SGMS1: variants seen among roughly 807,000 people sequenced by gnomAD.
SGMS1 encodes sphingomyelin synthase 1.
A neutral mutation model predicts 46.2 loss-of-function variants in SGMS1; 13 were observed. The ratio of observed to expected loss-of-function variants is 0.28; its 90% CI spans 0.18 to 0.45. SGMS1 has a LOEUF of 0.45. Among genes scored for constraint, SGMS1 ranks in the 20% least tolerant of loss-of-function variants. The pLI is 1.00. For missense variants in SGMS1, 324 were observed against 519.9 expected (o/e 0.62, Z 3.66); for synonymous variants, 203 against 187.8 (o/e 1.08, Z -0.66).
rs78240615 is a variant in SGMS1, at chr10:50,505,415, T to C, written c.-498+14416A>G. 2.4e-3 allele frequency among the ~76,000 whole-genome samples: 359 copies of C among 152,264 alleles called. 17 individuals carry two copies. In the East Asian group the frequency reaches 0.062, roughly 26 times the overall value. On this transcript the variant is annotated intron_variant, in intron 3 of 10. Coordinates refer to ENST00000361781, the MANE Select transcript of SGMS1 (RefSeq NM_147156.4). ...TGCTCTGTTCTATCATGCCTAACAC[T>C]GAAATTTTTTAAAAGAAGAAAATCC...
At chr10:50,501,066 T>C (rs918986457) in intron 3 of SGMS1, among the ~76,000 whole-genome samples, 5 of 152,216 alleles carry the variant, frequency 3.3e-5, no homozygotes, top group Admixed American at 2.0e-4. Context: ...TCAGTGATTA[T>C]GGGGGCCAGC....
At position 50,372,610 on chromosome 10, in the gene SGMS1, G is replaced by A. The variant is rs192237734; in HGVS notation, c.-231-28265C>T. On this transcript the variant is annotated intron_variant, in intron 6 of 10. Coordinates refer to ENST00000361781, the MANE Select transcript of SGMS1 (RefSeq NM_147156.4). ...TCGGAGGCTGAGGCAGGAGAAAGGC[G>A]TGAACCCAGGAGGTGGAGCTTGCAG... Among the ~76,000 whole-genome samples the A allele has an allele frequency of 4.2e-3, 646 of 152,138 alleles. 2 individuals are homozygous for A. Among genetic ancestry groups the A allele is most frequent in the South Asian group, 0.013 (65 of 4,818 alleles).
At chr10:50,600,329 C>A (rs937861439) in intron 1 of SGMS1, among the ~76,000 whole-genome samples, 9 of 152,188 alleles carry the variant, frequency 5.9e-5, no homozygotes, top group Non-Finnish European at 8.8e-5. Flanking sequence ...TAACTTTGAG[C>A]AAATGTATTT....
At chr10:50,513,579 T>G (rs1210953359) in intron 3 of SGMS1, among the ~76,000 whole-genome samples, 2 of 152,092 alleles carry the variant, frequency 1.3e-5, no homozygotes, top group African/African-American at 4.8e-5. Context: ...CCAGACCAGA[T>G]AGGATGTTAA....
chr10:50,350,453 G>A (rs12265297), intron 6 of SGMS1, among the ~76,000 whole-genome samples: 71,232 of 152,002 alleles, frequency 0.47, 18,743 homozygotes, highest in African/African-American at 0.72. Flanking sequence ...AAGGAGCTTA[G>A]TGTTAATCCC....
At chr10:50,354,630 A>C (rs1355775643) in intron 6 of SGMS1, among the ~76,000 whole-genome samples, 1 of 152,216 alleles carries the variant, frequency 6.6e-6, no homozygotes, top group Non-Finnish European at 1.5e-5. Context: ...ACAGCAAAAG[A>C]AACTACCATC....
intron 2 of SGMS1, among the ~76,000 whole-genome samples, chr10:50,536,757 T>C (rs1838005749): frequency 6.6e-6 from 1 of 152,230 alleles, no homozygotes; most frequent in Non-Finnish European, 1.5e-5. Flanking sequence ...ATACTTTTCT[T>C]CATACATGAA....
At chr10:50,594,764 G>A (rs1838574717) in intron 1 of SGMS1, among the ~76,000 whole-genome samples, 1 of 152,136 alleles carries the variant, frequency 6.6e-6, no homozygotes, top group Non-Finnish European at 1.5e-5. Flanking sequence ...TGAGTAGGAA[G>A]GAAAGAAGAA....
At chr10:50,467,478 T>C (rs965579279) in intron 3 of SGMS1, among the ~76,000 whole-genome samples, 1 of 152,174 alleles carries the variant, frequency 6.6e-6, no homozygotes, top group Admixed American at 6.5e-5. Flanking sequence ...CATGTTTTAT[T>C]TCATGAAAGA....
At chr10:50,527,746 G>A (rs1186130200) in intron 2 of SGMS1, among the ~76,000 whole-genome samples, 1 of 152,188 alleles carries the variant, frequency 6.6e-6, no homozygotes, top group African/African-American at 2.4e-5. Flanking sequence ...TAGCAACCCA[G>A]ACTGAAAGTC....
chr10:50,438,252 T>C (rs966809311), intron 5 of SGMS1, among the ~76,000 whole-genome samples: 11 of 152,316 alleles, frequency 7.2e-5, no homozygotes, highest in Admixed American at 4.6e-4. Context: ...TTGTAGCCAA[T>C]AGAATAAGGC....
chr10:50,341,105 C>T (rs897033600), intron 7 of SGMS1: 6 of 329,598 alleles, frequency 1.8e-5, no homozygotes, highest in Non-Finnish European at 3.6e-5. Context: ...AAGAATATCC[C>T]ATAACCAGAA....
intron 7 of SGMS1, chr10:50,340,399 G>A (rs1323466534): frequency 6.6e-6 from 1 of 152,186 alleles, no homozygotes; most frequent in Non-Finnish European, 1.5e-5. Flanking sequence ...GTTTTGCAGT[G>A]AAGTCTGACA....
rs573760774 is a variant in SGMS1, at chr10:50,528,351, A to G, written c.-588-8430T>C. On this transcript the variant is annotated intron_variant, in intron 2 of 10. Coordinates refer to ENST00000361781, the MANE Select transcript of SGMS1 (RefSeq NM_147156.4). ...ACAACACAGATTTTACTCAATCTTC[A>G]AAAACCACTCGGGGGTTTGTCAAAT... Among the ~76,000 whole-genome samples, 5 of 152,334 alleles carry G rather than the reference A, an allele frequency of 3.3e-5. No homozygotes were observed. The South Asian group carries it at 1.0e-3, about 32-fold the overall frequency.
rs985195229 is a variant in SGMS1, at chr10:50,408,873, T to TCAAAA, written c.-232+24598_-232+24602dup. On this transcript the variant is annotated intron_variant, in intron 6 of 10. Transcript: ENST00000361781. ...ATGGCTGACAGAGCGAGACTCTATC[T>TCAAAA]CAAAACAAAACAAAACAAAAAAAGA... Among the ~76,000 whole-genome samples, 9 of 152,048 alleles carry TCAAAA rather than the reference T, an allele frequency of 5.9e-5. No individual in the cohort carries two copies. In the South Asian group the frequency reaches 8.3e-4, roughly 14 times the overall value.
intron 2 of SGMS1, among the ~76,000 whole-genome samples, chr10:50,539,352 C>T (rs1240457171): frequency 6.6e-6 from 1 of 152,230 alleles, no homozygotes; most frequent in Non-Finnish European, 1.5e-5. Context: ...AGACTGTTTT[C>T]AACCTTAGTC....
At chr10:50,572,334 T>A (rs1242928662) in intron 2 of SGMS1, among the ~76,000 whole-genome samples, 1 of 152,014 alleles carries the variant, frequency 6.6e-6, no homozygotes, top group East Asian at 1.9e-4. Flanking sequence ...GAGGGAAGGG[T>A]GGTAACGAGG....
At chr10:50,419,418 G>A (rs1849224829) in intron 6 of SGMS1, among the ~76,000 whole-genome samples, 1 of 152,142 alleles carries the variant, frequency 6.6e-6, no homozygotes, top group African/African-American at 2.4e-5. Context: ...TTTAAGTGGT[G>A]AGAAACTTAA....
chr10:50,541,604 G>A (rs1382147139), intron 2 of SGMS1, among the ~76,000 whole-genome samples: 1 of 152,150 alleles, frequency 6.6e-6, no homozygotes, highest in Non-Finnish European at 1.5e-5. Context: ...AGCCCACAGA[G>A]AGTGGTTGTT....
Sources: gnomAD v4.1 joint callset for allele counts (sites outside exome capture counted in the v4.1 genomes callset) on GRCh38, gnomAD v4.1.1 for gene constraint, MANE v1.5 for transcripts, NCBI Gene and HGNC (gene_info 2026-07-23, HGNC 2026-07-21) for gene names.